The following CHFR variants were observed in gnomAD, a reference collection of about 807,000 sequenced individuals.
The protein encoded by CHFR is E3 ubiquitin-protein ligase CHFR.
Under a neutral mutation model 87.6 loss-of-function variants are expected in CHFR, and 57 were observed. That is an observed-to-expected ratio of 0.65 (90% confidence interval 0.53 to 0.81). CHFR has a LOEUF of 0.81. Ranked by LOEUF, CHFR falls within the 30% of genes least tolerant of loss-of-function variation. The probability of loss-of-function intolerance (pLI) is 0.00; values close to 1 mark genes in which losing one functional copy is unlikely to be tolerated. For synonymous variants in CHFR, 381 were observed against 359.2 expected (o/e 1.06, Z -0.69); for missense variants, 797 against 865.8 (o/e 0.92, Z 1.00).
chr12:132,866,454 C>G (rs1263254930), intron 6 of CHFR: 4 of 151,662 alleles, frequency 2.6e-5, no homozygotes, highest in African/African-American at 4.9e-5. Context: ...TACAACACAC[C>G]GGGAATGTTA....
chr12:132,880,671 A>G (rs1164766035), intron 2 of CHFR, among the ~76,000 whole-genome samples: 1 of 150,902 alleles, frequency 6.6e-6, no homozygotes, highest in African/African-American at 2.4e-5. Flanking sequence ...AAAAGAAAAA[A>G]AAAGTCAATT....
intron 2 of CHFR, among the ~76,000 whole-genome samples, chr12:132,882,737 G>A (rs1951797547): frequency 6.6e-6 from 1 of 151,052 alleles, no homozygotes; most frequent in African/African-American, 2.4e-5. Flanking sequence ...ACAAGGCCTT[G>A]CGCTGTTACC....
At chr12:132,859,314 G>C in intron 7 of CHFR, 87 bp from the exon 8 acceptor site, 1 of 1,299,106 alleles carries the variant, frequency 7.7e-7, no homozygotes, top group Admixed American at 2.1e-5. Flanking sequence ...AGGAGAAAGG[G>C]ATGTGTTCTA....
Position 132,857,494 on chromosome 12 carries a change from A to T in CHFR, c.977T>A (p.Leu326Gln). Residue 326 changes from leucine (L) to glutamine (Q), a missense_variant, in exon 9 of 18, where the codon CTG becomes CAG. Around this residue, in one of 2 missense-constraint regions of CHFR, gnomAD observed 597 missense variants for 601.2 expected, o/e 0.99. Coordinates refer to ENST00000450056, the MANE Select transcript of CHFR (RefSeq NM_001161346.2). Reference sequence around the variant, plus strand: ...CACGGGACAGCGGCAGGTAGGACACAGGGACGAGCGCTCCATCCAGCCCGA... The same window carrying T: ...CACGGGACAGCGGCAGGTAGGACACTGGGACGAGCGCTCCATCCAGCCCGA... ...CYSGWMERSS[L>Q]CPTCRCPVER... 1 of 1,614,194 alleles carries T rather than the reference A, an allele frequency of 6.2e-7. No homozygotes were observed.
At position 132,841,365 on chromosome 12, in the gene CHFR, C is replaced by T. The variant is rs541179525; in HGVS notation, c.*189G>A. 67 of 580,666 alleles carry T rather than the reference C, an allele frequency of 1.2e-4. No individual in the cohort carries two copies. The highest frequency in any genetic ancestry group is 1.7e-4 in the Non-Finnish European group (57 of 327,656). The allele number at this position is 580,666 out of a possible 1,614,324, so 36.0% of individuals were successfully genotyped here. On this transcript the variant is annotated 3_prime_UTR_variant, in exon 18 of 18. Coordinates refer to ENST00000450056, the MANE Select transcript of CHFR (RefSeq NM_001161346.2). ...CACCAGGAGGGCGGGCTGCGGCCCC[C>T]GGGGCTCTGGGGAGGGTCTCACTCA...
intron 6 of CHFR, chr12:132,867,553 C>G (rs1233863317): frequency 6.6e-6 from 1 of 152,250 alleles, no homozygotes; most frequent in Non-Finnish European, 1.5e-5. Flanking sequence ...TGAGCAAAAA[C>G]AGCAGCGTGG....
chr12:132,853,697 G>A (rs1000926941), intron 10 of CHFR, 124 bp from the exon 11 acceptor site: 2 of 1,209,026 alleles, frequency 1.7e-6, no homozygotes, highest in Admixed American at 7.0e-5. Context: ...GGTGTGAGGG[G>A]AAGGGCCGGG....
chr12:132,848,403 G>A (rs932367268), intron 13 of CHFR: 37 of 739,694 alleles, frequency 5.0e-5, no homozygotes, highest in Middle Eastern at 6.9e-4. Context: ...GCAGAACCCC[G>A]CTGCAAGGAT....
At chr12:132,871,955 C>T (rs1476442360) in intron 4 of CHFR, 2 of 277,444 alleles carry the variant, frequency 7.2e-6, no homozygotes, top group African/African-American at 2.2e-5. Context: ...GGCCTCCAGA[C>T]CCCTGGTCCT....
At chr12:132,886,330 C>CA (rs1160375153) in intron 2 of CHFR, among the ~76,000 whole-genome samples, 37 of 138,002 alleles carry the variant, frequency 2.7e-4, no homozygotes, top group African/African-American at 6.8e-4. Context: ...AACAAAAAAA[C>CA]AAAAAAAACC....
intron 12 of CHFR, chr12:132,849,649 A>G: frequency 6.7e-6 from 1 of 150,298 alleles, no homozygotes; most frequent in Non-Finnish European, 1.5e-5. Flanking sequence ...AGGCTGGAGT[A>G]TAGTGGAGCA....
chr12:132,836,903 C>A lies in CHFR; in HGVS notation c.*4651G>T. 2.6e-6 allele frequency: 1 copy of A among 380,256 alleles called. No individual in the cohort carries two copies. The highest frequency in any genetic ancestry group is 5.2e-6 in the Non-Finnish European group (1 of 192,266). 23.6% of individuals were successfully genotyped at this position (380,256 alleles called of 1,614,324 possible). ...AGACAAATAAACAACAGTGGGCAGA[C>A]AGGCAAGATCCCTGCTCTATTTTTT... On this transcript the variant is annotated 3_prime_UTR_variant, in exon 18 of 18. Coordinates refer to ENST00000450056, the MANE Select transcript of CHFR (RefSeq NM_001161346.2).
Position 132,844,186 on chromosome 12 carries a change from G to A in CHFR, c.1736-52C>T, listed in dbSNP as rs376095263. On this transcript the variant is annotated intron_variant, in intron 15 of 17. Transcript: ENST00000450056. ...GCAACACCATCTTCCCAACAGCAGCGCACGGACTTCACAGCAGTGGGAGAC... is the reference window on the plus strand; with the variant it reads ...GCAACACCATCTTCCCAACAGCAGCACACGGACTTCACAGCAGTGGGAGAC... 37 of 1,231,466 alleles carry A rather than the reference G, an allele frequency of 3.0e-5. No homozygotes were observed. The African/African-American group carries it at 3.7e-4, about 12-fold the overall frequency. The allele number at this position is 1,231,466 out of a possible 1,614,324, so 76.3% of individuals were successfully genotyped here.
In CHFR at chr12:132,871,644, C is replaced by T. The variant is rs1195009111; in HGVS notation, c.343+641G>A. Among the ~76,000 whole-genome samples, 3 of 151,830 alleles carry T rather than the reference C, an allele frequency of 2.0e-5. No homozygotes were observed. The East Asian group carries it at 5.8e-4, about 29-fold the overall frequency. ...AAAATGAGCCGGGCGTGGTGGTGGG[C>T]ACCTATAATCCCAGCTACTCAGGAG... On this transcript the variant is annotated intron_variant, in intron 4 of 17. Coordinates refer to ENST00000450056, the MANE Select transcript of CHFR (RefSeq NM_001161346.2).
intron 17 of CHFR, 77 bp downstream of exon 17, chr12:132,842,934 T>C (rs1373816711): frequency 2.5e-6 from 3 of 1,204,344 alleles, no homozygotes; most frequent in African/African-American, 1.5e-5. Flanking sequence ...ATAATGACCA[T>C]ATCAGCCTAT....
chr12:132,887,359 C>G lies in CHFR; in HGVS notation c.-12-19G>C. The G allele has an allele frequency of 2.9e-6, 4 of 1,382,566 alleles. No homozygotes were observed. The highest frequency in any genetic ancestry group is 3.7e-6 in the Non-Finnish European group (4 of 1,068,136). 85.6% of individuals were successfully genotyped at this position (1,382,566 alleles called of 1,614,324 possible). A position where few individuals can be genotyped will look rare whatever the true frequency, so the allele number is the denominator to read the frequency against. On this transcript the variant is annotated intron_variant, in intron 1 of 17. Coordinates refer to ENST00000450056, the MANE Select transcript of CHFR (RefSeq NM_001161346.2). ...TTCACATCTGCGGAGACCCCGGAAA[C>G]GCCCATGGAGACTCCCGACCCCAGA...
intron 17 of CHFR, 113 bp from the exon 18 acceptor site, chr12:132,841,709 A>C: frequency 1.2e-6 from 1 of 854,418 alleles, no homozygotes; most frequent in Non-Finnish European, 2.0e-6. Flanking sequence ...GAAACCATAC[A>C]CAGAAAGAGC....
chr12:132,861,500 C>G lies in CHFR; in HGVS notation c.718G>C (p.Asp240His), dbSNP rs1472958431. The part of the protein sequence containing the change: ...FSSLEPQDQE[D>H]LEPVKKKMRG... ...ATTTTCTTCTTCACGGGCTCCAAAT[C>G]CTCCTGATCCTGGGGTTCCAACGAC... is the stretch of plus-strand genomic sequence containing the variant. The change falls in exon 7 of 18, where the codon GAT becomes CAT. Residue 240 changes from aspartate (D) to histidine (H), a missense_variant. Physicochemically the swap from Asp to His is moderately conservative, Grantham distance 81 (BLOSUM62 -1). Transcript: ENST00000450056. 1.9e-6 allele frequency: 3 copies of G among 1,614,114 alleles called. No individual in the cohort carries two copies. Among genetic ancestry groups the G allele is most frequent in the Admixed American group, 3.3e-5 (2 of 60,004 alleles).
rs1555273030 is a variant in CHFR at position 132,874,454 on chromosome 12, A to AAGGCCC, written c.234-2066_234-2061dup. On this transcript the variant is annotated intron_variant, in intron 3 of 17. Coordinates refer to ENST00000450056, the MANE Select transcript of CHFR (RefSeq NM_001161346.2). ...GAAGCCAGGTCCTGATGTAGGCGGGAAGGCCCAGGACCAGCACCCAGCACA... is the reference window on the plus strand; with the variant it reads ...GAAGCCAGGTCCTGATGTAGGCGGGAAGGCCCAGGCCCAGGACCAGCACCCAGCACA... Among the ~76,000 whole-genome samples, 15 of 150,434 alleles carry AAGGCCC rather than the reference A, an allele frequency of 1.0e-4. No individual in the cohort carries two copies. In the Middle Eastern group the frequency reaches 0.014, roughly 138 times the overall value.
Sources: gnomAD v4.1 joint callset for allele counts (sites outside exome capture counted in the v4.1 genomes callset) on GRCh38, gnomAD v4.1.1 for gene constraint, gnomAD v4.1.1 regional missense constraint, MANE v1.5 for transcripts, NCBI Gene and HGNC (gene_info 2026-07-23, HGNC 2026-07-21) for gene names.